The following PTK2 variants were observed in gnomAD, a reference collection of about 807,000 sequenced individuals.
PTK2 encodes focal adhesion kinase 1.
Under a neutral mutation model 150.1 loss-of-function variants are expected in PTK2, and 45 were observed. That is an observed-to-expected ratio of 0.30 (90% CI 0.24 to 0.38). The LOEUF (loss-of-function observed/expected upper bound fraction) is 0.38. Among genes scored for constraint, PTK2 ranks in the 10% least tolerant of loss-of-function variants. The pLI is 1.00. For synonymous variants in PTK2, 432 were observed against 449.2 expected, an observed-to-expected ratio of 0.96 and a Z score of 0.48; for missense variants, 919 against 1,307.3, an observed-to-expected ratio of 0.70 and a Z score of 4.58.
At chr8:140,987,502 A>T (rs2100193742) in intron 1 of PTK2, among the ~76,000 whole-genome samples, 1 of 152,222 alleles carries the variant, frequency 6.6e-6, no homozygotes, top group Non-Finnish European at 1.5e-5. Flanking sequence ...AATGCATAAA[A>T]GATTTAAACA....
At chr8:140,916,050 A>G (rs1222952077) in intron 2 of PTK2, among the ~76,000 whole-genome samples, 1 of 152,208 alleles carries the variant, frequency 6.6e-6, no homozygotes, top group Non-Finnish European at 1.5e-5. Context: ...TATGAGAAAA[A>G]GTTTAATACC....
intron 2 of PTK2, among the ~76,000 whole-genome samples, chr8:140,913,459 C>A (rs1181008306): frequency 1.3e-5 from 2 of 152,044 alleles, no homozygotes; most frequent in African/African-American, 4.8e-5. Flanking sequence ...CTACACCCAG[C>A]TAATTTTTGT....
At chr8:140,923,882 C>T (rs1237637718) in intron 2 of PTK2, among the ~76,000 whole-genome samples, 1 of 152,124 alleles carries the variant, frequency 6.6e-6, no homozygotes, top group Admixed American at 6.5e-5. Flanking sequence ...CAGCCATAGG[C>T]CTCCTACCTG....
chr8:140,766,965 C>T (rs1166975938), intron 14 of PTK2, among the ~76,000 whole-genome samples: 1 of 152,174 alleles, frequency 6.6e-6, no homozygotes, highest in African/African-American at 2.4e-5. Context: ...GCAACAGTAA[C>T]TCCTCTGATT....
intron 7 of PTK2, among the ~76,000 whole-genome samples, chr8:140,836,223 A>C (rs772809285): frequency 5.3e-5 from 8 of 152,190 alleles, no homozygotes; most frequent in Non-Finnish European, 1.0e-4. Context: ...TGTTTATATC[A>C]ATTAGCCCAC....
intron 2 of PTK2, among the ~76,000 whole-genome samples, chr8:140,925,193 T>G (rs2100169002): frequency 6.6e-6 from 1 of 152,212 alleles, no homozygotes; most frequent in East Asian, 1.9e-4. Flanking sequence ...TAATAAATGC[T>G]TTTATGCCAG....
At chr8:140,738,023 A>G (rs536647018) in intron 21 of PTK2, among the ~76,000 whole-genome samples, 19 of 152,252 alleles carry the variant, frequency 1.2e-4, no homozygotes, top group Non-Finnish European at 2.2e-4. Flanking sequence ...GAAGAAAAAA[A>G]TAAGAACACA....
intron 22 of PTK2, chr8:140,718,710 T>G (rs1400782945): frequency 6.6e-6 from 1 of 152,198 alleles, no homozygotes; most frequent in Non-Finnish European, 1.5e-5. Flanking sequence ...CATTCCTGCT[T>G]GGCTGGAGGC....
intron 4 of PTK2, 69 bp from the exon 5 acceptor site, chr8:140,864,468 A>T (rs1253092141): frequency 5.7e-6 from 5 of 884,840 alleles, no homozygotes; most frequent in Non-Finnish European, 8.7e-6. Context: ...CTACAATTAT[A>T]ATATTGTGAG....
At chr8:140,867,193 G>A (rs1314700334) in intron 4 of PTK2, among the ~76,000 whole-genome samples, 2 of 152,122 alleles carry the variant, frequency 1.3e-5, no homozygotes, top group Non-Finnish European at 2.9e-5. Flanking sequence ...TGACATCACA[G>A]GGTTTTCATT....
chr8:140,986,527 C>A (rs2100193305), intron 1 of PTK2, among the ~76,000 whole-genome samples: 1 of 152,198 alleles, frequency 6.6e-6, no homozygotes, highest in South Asian at 2.1e-4. Context: ...GCCCTCAGTG[C>A]ACTTGCCAAT....
chr8:140,749,020 T>C (rs1246528201), intron 17 of PTK2, among the ~76,000 whole-genome samples: 1 of 152,244 alleles, frequency 6.6e-6, no homozygotes, highest in Non-Finnish European at 1.5e-5. Flanking sequence ...GAATAGCTGG[T>C]ATCGCCCATT....
chr8:140,869,500 C>A (rs1461852298), intron 4 of PTK2, among the ~76,000 whole-genome samples: 1 of 152,092 alleles, frequency 6.6e-6, no homozygotes, highest in East Asian at 1.9e-4. Flanking sequence ...CCCTTAACAG[C>A]ATCATAAAGC....
intron 5 of PTK2, among the ~76,000 whole-genome samples, chr8:140,861,622 A>G (rs1333880084): frequency 1.3e-5 from 2 of 152,210 alleles, no homozygotes; most frequent in African/African-American, 2.4e-5. Context: ...GAAATTCAAA[A>G]TATCACTGGG....
At position 140,800,592 on chromosome 8, in the gene PTK2, T is replaced by A. The variant is rs985217919; in HGVS notation, c.976-16A>T. On this transcript the variant is annotated splice_polypyrimidine_tract_variant and intron_variant, in intron 11 of 31. Coordinates refer to ENST00000522684, the Ensembl canonical transcript of PTK2. ...CTGTCAGAGGCTAACGGAGAAAAGA[T>A]CAAGAAAACAGACTTCATTGTTCTT... The A allele has an allele frequency of 3.8e-6, 6 of 1,589,520 alleles. No homozygotes were observed. The East Asian group carries it at 8.9e-5, about 24-fold the overall frequency.
chr8:140,721,352 A>C (rs1428611765), intron 22 of PTK2, among the ~76,000 whole-genome samples: 1 of 152,230 alleles, frequency 6.6e-6, no homozygotes, highest in Non-Finnish European at 1.5e-5. Context: ...ACAGTCACTG[A>C]TATACAATGT....
chr8:140,885,029 G>A (rs2100151772), intron 3 of PTK2, among the ~76,000 whole-genome samples: 1 of 152,150 alleles, frequency 6.6e-6, no homozygotes, highest in Non-Finnish European at 1.5e-5. Flanking sequence ...AATGGGATAA[G>A]AATACTGTCC....
intron 2 of PTK2, among the ~76,000 whole-genome samples, chr8:140,908,683 A>AT (rs1277412069): frequency 6.6e-6 from 1 of 151,416 alleles, no homozygotes; most frequent in Non-Finnish European, 1.5e-5. Context: ...TCAAGATAAG[A>AT]TTTGGGGGGG....
At chr8:140,900,930 CA>C (rs573276713) in intron 2 of PTK2, among the ~76,000 whole-genome samples, 1 of 151,782 alleles carries the variant, frequency 6.6e-6, no homozygotes, top group Non-Finnish European at 1.5e-5. Flanking sequence ...TATGGAACCA[CA>C]AAAGACCCTG....
Sources: gnomAD v4.1 joint callset for allele counts (sites outside exome capture counted in the v4.1 genomes callset) on GRCh38, gnomAD v4.1.1 for gene constraint, MANE v1.5 for transcripts, NCBI Gene and HGNC (gene_info 2026-07-23, HGNC 2026-07-21) for gene names.